SETDB2: variants seen among roughly 807,000 people sequenced by gnomAD.
The protein encoded by SETDB2 is SET domain bifurcated histone lysine methyltransferase 2.
A neutral mutation model predicts 82.5 loss-of-function variants in SETDB2; 56 were observed. That is an observed-to-expected ratio of 0.68 (90% CI 0.55 to 0.85). The LOEUF is 0.85. Ranked by LOEUF, SETDB2 falls within the 40% of genes least tolerant of loss-of-function variation. The probability of loss-of-function intolerance (pLI) is 0.00; values close to 1 mark genes in which losing one functional copy is unlikely to be tolerated. For synonymous variants in SETDB2, 272 were observed against 284.9 expected (o/e 0.95, Z 0.46); for missense variants, 677 against 816.4 (o/e 0.83, Z 2.08).
rs137875064 is a variant in SETDB2 at position 49,483,276 on chromosome 13, A to G, written c.1383-188A>G. On this transcript the variant is annotated intron_variant, in intron 9 of 13. Transcript: ENST00000611815. ...TTCATAGGTTCTCTTCCTTTTCCAA[A>G]TGTACTTCAAAAATTATTTATGATT... 6.0e-3 allele frequency among the ~76,000 whole-genome samples: 915 copies of G among 152,192 alleles called. 7 individuals are homozygous for G. Among genetic ancestry groups the G allele is most frequent in the Non-Finnish European group, 7.5e-3 (511 of 68,000 alleles).
Position 49,476,718 on chromosome 13 carries a change from G to C in SETDB2, c.548G>C (p.Cys183Ser). ...CTCCACGTGAGTTATAAAACCCCTT[G>C]TGGAAGGAGTCTACGAAACGTGGAG... ...SALHVSYKTP[C>S]GRSLRNVEEV... Residue 183 changes from cysteine to serine, a missense_variant, in exon 6 of 14, where the codon TGT becomes TCT. Transcript: ENST00000611815. 22 of 1,614,206 alleles carry C rather than the reference G, an allele frequency of 1.4e-5. No individual in the cohort carries two copies. Among genetic ancestry groups the C allele is most frequent in the Non-Finnish European group, 1.9e-5 (22 of 1,180,030 alleles).
chr13:49,464,906 A>T (rs984623276), intron 4 of SETDB2, among the ~76,000 whole-genome samples: 1 of 147,562 alleles, frequency 6.8e-6, no homozygotes, highest in African/African-American at 2.5e-5. Context: ...TACAGATAAT[A>T]AAAAAAAAAA....
At chr13:49,481,765 G>A (rs1014603101) in intron 8 of SETDB2, among the ~76,000 whole-genome samples, 5 of 152,156 alleles carry the variant, frequency 3.3e-5, no homozygotes, top group Admixed American at 2.0e-4. Context: ...CTTATTTTCT[G>A]TGCACATCCT....
At chr13:49,449,932 T>C (rs1192839000) in intron 1 of SETDB2, among the ~76,000 whole-genome samples, 1 of 152,230 alleles carries the variant, frequency 6.6e-6, no homozygotes, top group Non-Finnish European at 1.5e-5. Context: ...ACTCTTTGAA[T>C]GTCTGCAAAT....
At chr13:49,486,867 G>T (rs1435872842) in intron 11 of SETDB2, among the ~76,000 whole-genome samples, 1 of 152,158 alleles carries the variant, frequency 6.6e-6, no homozygotes, top group Non-Finnish European at 1.5e-5. Context: ...GTGAGCCACT[G>T]CTGTCTCTTC....
chr13:49,483,628 T>G, intron 10 of SETDB2, 65 bp downstream of exon 10: 5 of 552,900 alleles, frequency 9.0e-6, no homozygotes, highest in South Asian at 4.6e-5. Flanking sequence ...TTTTTTTTTT[T>G]TTTTTTTTTT....
intron 2 of SETDB2, among the ~76,000 whole-genome samples, chr13:49,454,049 G>A (rs940579498): frequency 1.3e-5 from 2 of 152,070 alleles, no homozygotes; most frequent in African/African-American, 4.8e-5. Flanking sequence ...CACTCCAGTA[G>A]TAAAAAACTT....
rs1566148907 is a variant in SETDB2, at chr13:49,444,706, T to TCG, written c.-493_-492insCG. Reference sequence around the variant, plus strand: ...GGGCGCACTGAGTTTCCAACCTCCATTTCAGCCTGTCTGTCTCAGGGTGCA... The same window carrying TCG: ...GGGCGCACTGAGTTTCCAACCTCCATCGTTCAGCCTGTCTGTCTCAGGGTGCA... On this transcript the variant is annotated 5_prime_UTR_variant, in exon 1 of 14. Coordinates refer to ENST00000611815, the MANE Select transcript of SETDB2 (RefSeq NM_001160308.3). The TCG allele has an allele frequency of 6.6e-6, 1 of 152,648 alleles. No individual in the cohort carries two copies. The highest frequency in any genetic ancestry group is 1.5e-5 in the Non-Finnish European group (1 of 68,442). 9.5% of individuals were successfully genotyped at this position (152,648 alleles called of 1,614,324 possible).
chr13:49,452,002 T>C, intron 2 of SETDB2, 93 bp downstream of exon 2: 4 of 927,962 alleles, frequency 4.3e-6, no homozygotes, highest in Non-Finnish European at 6.2e-6. Flanking sequence ...AGGTTTTGCA[T>C]TGCGAGGAAC....
intron 2 of SETDB2, among the ~76,000 whole-genome samples, chr13:49,457,435 CTTTT>C: frequency 1.0e-5 from 1 of 98,002 alleles, no homozygotes; most frequent in Admixed American, 1.2e-4. Flanking sequence ...ATTTCTAAGA[CTTTT>C]TTTTTTTTTT....
At chr13:49,456,543 T>C (rs1957886073) in intron 2 of SETDB2, among the ~76,000 whole-genome samples, 1 of 152,182 alleles carries the variant, frequency 6.6e-6, no homozygotes, top group African/African-American at 2.4e-5. Context: ...AATATTAGTA[T>C]GCTGAATTGA....
chr13:49,487,698 C>T (rs539985774), intron 11 of SETDB2, among the ~76,000 whole-genome samples: 21 of 152,190 alleles, frequency 1.4e-4, no homozygotes, highest in African/African-American at 4.8e-4. Flanking sequence ...ATAAGAAAAA[C>T]GATTAAGCAG....
At chr13:49,480,669 T>TA (rs1958459621) in intron 7 of SETDB2, among the ~76,000 whole-genome samples, 1 of 152,180 alleles carries the variant, frequency 6.6e-6, no homozygotes, top group Admixed American at 6.5e-5. Context: ...CCTTTCAAGG[T>TA]ACTGACTCAC....
chr13:49,474,389 C>G (rs1005044303), intron 5 of SETDB2, among the ~76,000 whole-genome samples: 9 of 152,210 alleles, frequency 5.9e-5, no homozygotes, highest in Non-Finnish European at 1.3e-4. Context: ...TCATTTATTG[C>G]TGAAGAAACT....
chr13:49,456,203 T>TATAA (rs1244117421), intron 2 of SETDB2, among the ~76,000 whole-genome samples: 1 of 152,164 alleles, frequency 6.6e-6, no homozygotes, highest in African/African-American at 2.4e-5. Context: ...ACCAATACCC[T>TATAA]ATAAGCCCCT....
At chr13:49,467,217 A>G (rs1459645091) in intron 4 of SETDB2, among the ~76,000 whole-genome samples, 1 of 152,012 alleles carries the variant, frequency 6.6e-6, no homozygotes, top group Non-Finnish European at 1.5e-5. Flanking sequence ...GGCCAACATA[A>G]AATCCTGTCT....
rs976393480 is a variant in SETDB2, at chr13:49,492,979, C to G, written c.*1130C>G. The G allele has an allele frequency of 3.3e-5, 5 of 152,042 alleles. No individual in the cohort carries two copies. Among genetic ancestry groups the G allele is most frequent in the African/African-American group, 4.8e-5 (2 of 41,366 alleles). 9.4% of individuals were successfully genotyped at this position (152,042 alleles called of 1,614,324 possible). ...TCTCAAAAAAAACAGCACACACACACACACACGAAAACAATTCTGAACTAT... is the reference window on the plus strand; with the variant it reads ...TCTCAAAAAAAACAGCACACACACAGACACACGAAAACAATTCTGAACTAT... On this transcript the variant is annotated 3_prime_UTR_variant, in exon 14 of 14. Transcript: ENST00000611815.
chr13:49,457,455 A>G (rs1315708574), intron 2 of SETDB2, among the ~76,000 whole-genome samples: 1 of 104,404 alleles, frequency 9.6e-6, no homozygotes, highest in Non-Finnish European at 2.0e-5. Flanking sequence ...TTTTTTTTTG[A>G]AAGAGTCTTG....
intron 4 of SETDB2, among the ~76,000 whole-genome samples, chr13:49,464,765 A>G (rs953776829): frequency 6.6e-6 from 1 of 152,156 alleles, no homozygotes; most frequent in African/African-American, 2.4e-5. Context: ...ACCTTTGGTA[A>G]TAAAGGTTCA....
Sources: allele counts gnomAD v4.1 joint callset (sites outside exome capture counted in the v4.1 genomes callset), GRCh38; gene constraint gnomAD v4.1.1; transcripts MANE v1.5; gene names NCBI Gene and HGNC (gene_info 2026-07-23, HGNC 2026-07-21).